TMEM92: variants seen among roughly 807,000 people sequenced by gnomAD.
TMEM92 encodes the protein transmembrane protein 92.
TMEM92 carries 15 observed loss-of-function variants against 14.6 expected under a neutral mutation model. The observed-to-expected ratio is 1.03, with a 90% CI of 0.69 to 1.58. The LOEUF (loss-of-function observed/expected upper bound fraction) is 1.58, where lower values mean the gene tolerates loss of function less well. TMEM92 is among the 40% of genes most tolerant of loss of function. The probability of loss-of-function intolerance (pLI) is 0.00; values close to 1 mark genes in which losing one functional copy is unlikely to be tolerated. For missense variants in TMEM92, 174 were observed against 202.4 expected, an observed-to-expected ratio of 0.86 and a Z score of 0.85; for synonymous variants, 85 against 83.3, an observed-to-expected ratio of 1.02 and a Z score of -0.11.
chr17:50,271,522 G>C (rs1043254381), upstream of TMEM92: 1 of 151,960 alleles, frequency 6.6e-6, no homozygotes, highest in African/African-American at 2.4e-5. Flanking sequence ...AATTGCTTTT[G>C]TTTTCTTTGT....
intron 1 of TMEM92, among the ~76,000 whole-genome samples, chr17:50,275,228 T>C (rs930211310): frequency 1.3e-5 from 2 of 151,932 alleles, no homozygotes; most frequent in Non-Finnish European, 2.9e-5. Flanking sequence ...TGGGTGTTTA[T>C]CCTGGGAACA....
chr17:50,278,505 C>T, intron 2 of TMEM92, 51 bp from the exon 3 acceptor site: 1 of 1,603,466 alleles, frequency 6.2e-7, no homozygotes, highest in Non-Finnish European at 8.5e-7. Flanking sequence ...TCTGCCTCTC[C>T]ATTCTGGTGC....
rs1910556547 is a variant in TMEM92 at position 50,279,758 on chromosome 17, A to C, written c.*450A>C. Reference sequence around the variant, plus strand: ...CCTGAATAGAGAACTCACTGCACCCACCCACAACACATGATAAACACATGT... The same window carrying C: ...CCTGAATAGAGAACTCACTGCACCCCCCCACAACACATGATAAACACATGT... On this transcript the variant is annotated 3_prime_UTR_variant, in exon 5 of 5. Coordinates refer to ENST00000507382, the MANE Select transcript of TMEM92 (RefSeq NM_153229.3). 4.5e-6 allele frequency: 1 copy of C among 221,268 alleles called. No homozygotes were observed. The highest frequency in any genetic ancestry group is 5.6e-5 in the South Asian group (1 of 17,882). The allele number at this position is 221,268 out of a possible 1,614,324, so 13.7% of individuals were successfully genotyped here.
At chr17:50,271,611 C>T (rs1910248933), upstream of TMEM92, 2 of 152,226 alleles carry the variant, frequency 1.3e-5, no homozygotes, top group Non-Finnish European at 2.9e-5. Context: ...ACCTCGGCCT[C>T]TCCAAGTGCT....
upstream of TMEM92, among the ~76,000 whole-genome samples, chr17:50,273,337 C>T (rs368864919): frequency 7.4e-4 from 113 of 152,274 alleles, no homozygotes; most frequent in African/African-American, 2.5e-3. Flanking sequence ...CTGCCGGCCG[C>T]TCCCGGAAGC....
At chr17:50,273,138 G>A (rs1910305163), upstream of TMEM92, among the ~76,000 whole-genome samples, 1 of 152,170 alleles carries the variant, frequency 6.6e-6, no homozygotes, top group South Asian at 2.1e-4. Flanking sequence ...AGGACATGAC[G>A]TTGAGCCTCT....
upstream of TMEM92, among the ~76,000 whole-genome samples, chr17:50,272,025 A>T (rs556593611): frequency 1.3e-5 from 2 of 152,162 alleles, no homozygotes; most frequent in South Asian, 4.2e-4. Context: ...CTCAAAAAAT[A>T]TATATATATT....
At chr17:50,274,640 G>A in intron 1 of TMEM92, 70 bp downstream of exon 1, 1 of 1,367,838 alleles carries the variant, frequency 7.3e-7, no homozygotes, top group Non-Finnish European at 1.0e-6. Context: ...TGCTTCTGGA[G>A]CCTGGTCGCC....
In TMEM92 at chr17:50,278,613, C is replaced by A; in HGVS notation, c.153C>A (p.Leu51=). 1 of 1,613,998 alleles carries A rather than the reference C, an allele frequency of 6.2e-7. No individual in the cohort carries two copies. The highest frequency in any genetic ancestry group is 1.1e-5 in the South Asian group (1 of 91,086). ...CGDSCCQENE[L]FPGPVRIFVI... is the part of the protein sequence containing the mutation. ...ACAGCTGCTGCCAGGAGAACGAGCT[C>A]TTCCCTGGCCCCGTGAGGTGAGCCC... The change falls in exon 3 of 5, where the codon CTC becomes CTA. Residue 51 remains leucine (L), a synonymous_variant. Transcript: ENST00000507382.
At chr17:50,277,620 G>A in intron 1 of TMEM92, 95 bp from the exon 2 acceptor site, 1 of 1,469,684 alleles carries the variant, frequency 6.8e-7, no homozygotes, top group Non-Finnish European at 9.5e-7. Flanking sequence ...GGGACCTGCT[G>A]CCTGTGAGGT....
chr17:50,274,615 T>C (rs753086404), intron 1 of TMEM92, 45 bp downstream of exon 1: 1 of 1,565,422 alleles, frequency 6.4e-7, no homozygotes, highest in Admixed American at 1.8e-5. Flanking sequence ...GCCCTACCCT[T>C]GTAGGTCAGG....
At chr17:50,274,335 G>GCCTCCCTT (rs1315626578), upstream of TMEM92, 6 of 658,550 alleles carry the variant, frequency 9.1e-6, no homozygotes, top group East Asian at 5.6e-5. Flanking sequence ...AGACCTCTGC[G>GCCTCCCTT]CCTCCCTTCC....
chr17:50,277,561 C>T (rs1343989149), intron 1 of TMEM92, among the ~76,000 whole-genome samples, 154 bp from the exon 2 acceptor site: 1 of 151,478 alleles, frequency 6.6e-6, no homozygotes, highest in Admixed American at 6.6e-5. Flanking sequence ...CCTGGGAACA[C>T]GGTGGAGTGA....
intron 1 of TMEM92, 135 bp from the exon 2 acceptor site, chr17:50,277,580 G>C: frequency 1.0e-6 from 1 of 987,714 alleles, no homozygotes; most frequent in Non-Finnish European, 1.6e-6. Context: ...GAGGTGGGGG[G>C]TGGCTTGCAG....
In TMEM92 at chr17:50,280,427, G is replaced by A. The variant is rs772918828; in HGVS notation, c.*1119G>A. On this transcript the variant is annotated 3_prime_UTR_variant, in exon 5 of 5. Transcript: ENST00000507382. ...GGGAGAAGAGTCTTCACTGGGGTTC[G>A]ACCCATGGGGGCCTGGCATAGTCAT... 1 of 152,228 alleles carries A rather than the reference G, an allele frequency of 6.6e-6. No homozygotes were observed. The highest frequency in any genetic ancestry group is 1.5e-5 in the Non-Finnish European group (1 of 68,064). 9.4% of individuals were successfully genotyped at this position (152,228 alleles called of 1,614,324 possible).
At chr17:50,274,126 C>G (rs1348592127), upstream of TMEM92, among the ~76,000 whole-genome samples, 1 of 151,454 alleles carries the variant, frequency 6.6e-6, no homozygotes, top group African/African-American at 2.4e-5. Flanking sequence ...TTACAGGCAC[C>G]CGCCACCACG....
rs899248580 is a variant in TMEM92, at chr17:50,281,228, C to T, written c.*1920C>T. 6.6e-6 allele frequency: 1 copy of T among 152,136 alleles called. No homozygotes were observed. The highest frequency in any genetic ancestry group is 1.5e-5 in the Non-Finnish European group (1 of 68,006). 9.4% of individuals were successfully genotyped at this position (152,136 alleles called of 1,614,324 possible). A position where few individuals can be genotyped will look rare whatever the true frequency, so the allele number is the denominator to read the frequency against. On this transcript the variant is annotated 3_prime_UTR_variant, in exon 5 of 5. Coordinates refer to ENST00000507382, the MANE Select transcript of TMEM92 (RefSeq NM_153229.3). ...TTGGTGGGAGTGGGAATGGTGTCAC[C>T]TTTCTAGAGGGCCATCTGGCACCAT...
intron 1 of TMEM92, among the ~76,000 whole-genome samples, chr17:50,277,092 G>A (rs1418627646): frequency 6.6e-6 from 1 of 152,192 alleles, no homozygotes; most frequent in African/African-American, 2.4e-5. Context: ...TTTGGGAGGC[G>A]GGGTCCTGGC....
chr17:50,274,127 C>T (rs142968190), upstream of TMEM92, among the ~76,000 whole-genome samples: 596 of 151,314 alleles, frequency 3.9e-3, 4 homozygotes, highest in Non-Finnish European at 6.0e-3. Flanking sequence ...TACAGGCACC[C>T]GCCACCACGC....
Sources: allele counts gnomAD v4.1 joint callset (sites outside exome capture counted in the v4.1 genomes callset), GRCh38; gene constraint gnomAD v4.1.1; transcripts MANE v1.5; gene names NCBI Gene and HGNC (gene_info 2026-07-23, HGNC 2026-07-21).